The following ZRANB3 variants were observed in gnomAD, a reference collection of about 807,000 sequenced individuals.
The protein encoded by ZRANB3 is zinc finger RANBP2-type containing 3.
A neutral mutation model predicts 133.8 loss-of-function variants in ZRANB3; 125 were observed. That is an observed-to-expected ratio of 0.93 (90% confidence interval 0.81 to 1.08). The LOEUF (loss-of-function observed/expected upper bound fraction) is 1.08. ZRANB3 is among the 50% of genes least tolerant of loss of function. The pLI is 0.00. For synonymous variants in ZRANB3, 387 were observed against 432.7 expected, an observed-to-expected ratio of 0.89 and a Z score of 1.31; for missense variants, 1,229 against 1,275.5, an observed-to-expected ratio of 0.96 and a Z score of 0.56.
intron 17 of ZRANB3, among the ~76,000 whole-genome samples, chr2:135,215,397 A>G (rs1694263015): frequency 6.6e-6 from 1 of 152,050 alleles, no homozygotes; most frequent in Admixed American, 6.6e-5. Context: ...AGCTGGGACT[A>G]CAGGCACCAC....
rs79401422 is a variant in ZRANB3, at chr2:135,344,748, T to C, written c.677+802A>G. 7.1e-3 allele frequency among the ~76,000 whole-genome samples: 1,083 copies of C among 151,890 alleles called. 11 individuals are homozygous for C. Among genetic ancestry groups the C allele is most frequent in the African/African-American group, 0.024 (1,013 of 41,400 alleles). ...GGAGCGAGACTCCGTCTGAAAAAAA[T>C]ATGATAAAATAAAATAAAATGAATA... is the stretch of plus-strand genomic sequence containing the variant. On this transcript the variant is annotated intron_variant, in intron 6 of 20. Transcript: ENST00000264159.
At chr2:135,480,618 A>G (rs1691741000) in intron 2 of ZRANB3, among the ~76,000 whole-genome samples, 1 of 151,626 alleles carries the variant, frequency 6.6e-6, no homozygotes, top group African/African-American at 2.4e-5. Context: ...ATCTTTTATT[A>G]TTATTATTAT....
chr2:135,414,603 C>A, intron 2 of ZRANB3, among the ~76,000 whole-genome samples: 1 of 152,102 alleles, frequency 6.6e-6, no homozygotes, highest in Non-Finnish European at 1.5e-5. Flanking sequence ...ACCAAGTGGA[C>A]CTAATAGACA....
At chr2:135,485,749 T>TA (rs1229199659) in intron 2 of ZRANB3, among the ~76,000 whole-genome samples, 1 of 152,226 alleles carries the variant, frequency 6.6e-6, no homozygotes, top group African/African-American at 2.4e-5. Flanking sequence ...TACACCATAA[T>TA]GTAGCCTATT....
rs981844963 is a variant in ZRANB3 at position 135,478,164 on chromosome 2, T to C, written c.161+26165A>G. On this transcript the variant is annotated intron_variant, in intron 2 of 20. Coordinates refer to ENST00000264159, the MANE Select transcript of ZRANB3 (RefSeq NM_032143.4). ...TAGTGTCTATGCTTAAAAATATATATATACATACACACGTCTATAAATATA... is the reference window on the plus strand; with the variant it reads ...TAGTGTCTATGCTTAAAAATATATACATACATACACACGTCTATAAATATA... Among the ~76,000 whole-genome samples, 3 of 152,076 alleles carry C rather than the reference T, an allele frequency of 2.0e-5. No individual in the cohort carries two copies. The East Asian group carries it at 5.8e-4, about 29-fold the overall frequency.
At chr2:135,462,425 G>A (rs1206156843) in intron 2 of ZRANB3, among the ~76,000 whole-genome samples, 1 of 152,108 alleles carries the variant, frequency 6.6e-6, no homozygotes, top group Non-Finnish European at 1.5e-5. Context: ...ATTTAAAGCC[G>A]TGGCAAATGT....
intron 2 of ZRANB3, among the ~76,000 whole-genome samples, chr2:135,500,933 A>G (rs1692914010): frequency 1.3e-5 from 2 of 152,136 alleles, no homozygotes; most frequent in Non-Finnish European, 2.9e-5. Context: ...AAGGTCAAGT[A>G]TAAATCTAAC....
At chr2:135,267,312 C>A (rs1240074331) in intron 11 of ZRANB3, among the ~76,000 whole-genome samples, 1 of 152,092 alleles carries the variant, frequency 6.6e-6, no homozygotes, top group African/African-American at 2.4e-5. Context: ...GGGGAAGGGG[C>A]TGAGTGGTGC....
At chr2:135,376,806 G>A (rs548360120) in intron 3 of ZRANB3, among the ~76,000 whole-genome samples, 2 of 152,266 alleles carry the variant, frequency 1.3e-5, no homozygotes, top group East Asian at 1.9e-4. Flanking sequence ...GAACTTTATC[G>A]CATAAAGAGT....
chr2:135,275,292 C>T (rs1052508107), intron 9 of ZRANB3, among the ~76,000 whole-genome samples: 8 of 133,588 alleles, frequency 6.0e-5, no homozygotes, highest in East Asian at 2.1e-4. Context: ...GCTGGCCGGG[C>T]GGGGGCTGCC....
intron 2 of ZRANB3, among the ~76,000 whole-genome samples, chr2:135,450,869 A>G (rs1401476217): frequency 1.3e-5 from 2 of 152,218 alleles, no homozygotes; most frequent in Non-Finnish European, 2.9e-5. Flanking sequence ...TAAAGTTCAC[A>G]TGAGAGAGAT....
chr2:135,428,316 C>T (rs1359572535), intron 2 of ZRANB3, among the ~76,000 whole-genome samples: 1 of 150,914 alleles, frequency 6.6e-6, no homozygotes, highest in Non-Finnish European at 1.5e-5. Context: ...TGGTAGTGTG[C>T]ACCTGTAGTC....
Position 135,472,266 on chromosome 2 carries a change from C to T in ZRANB3, c.161+32063G>A, listed in dbSNP as rs527703582. The stretch of plus-strand genomic sequence containing the variant: ...CTATAATCCCAGCACTTTGGGAGGC[C>T]GAGGCAGGCAGATCACAAGGTCAGG... On this transcript the variant is annotated intron_variant, in intron 2 of 20. Transcript: ENST00000264159. Among the ~76,000 whole-genome samples, 43 of 152,118 alleles carry T rather than the reference C, an allele frequency of 2.8e-4. No homozygotes were observed. In the East Asian group the frequency reaches 7.5e-3, roughly 27 times the overall value.
intron 8 of ZRANB3, among the ~76,000 whole-genome samples, chr2:135,293,994 T>G (rs1681899956): frequency 6.6e-6 from 1 of 152,170 alleles, no homozygotes; most frequent in African/African-American, 2.4e-5. Context: ...TGGATTCGGT[T>G]TGCCAGTATT....
chr2:135,324,051 G>C (rs1335314984), intron 6 of ZRANB3, among the ~76,000 whole-genome samples: 2 of 152,082 alleles, frequency 1.3e-5, no homozygotes, highest in East Asian at 3.9e-4. Context: ...TTATAGGCAT[G>C]AGCCACTGTG....
At position 135,315,467 on chromosome 2, in the gene ZRANB3, C is replaced by G. The variant is rs1441325318; in HGVS notation, c.741G>C (p.Gln247His). The G allele has an allele frequency of 1.9e-6, 3 of 1,596,024 alleles. No individual in the cohort carries two copies. The highest frequency in any genetic ancestry group is 2.3e-5 in the East Asian group (1 of 43,718). Residue 247 changes from glutamine (Q) to histidine (H), a missense_variant, in exon 7 of 21, where the codon CAG becomes CAC. By Grantham distance (24) the Gln-to-His change is conservative. Transcript: ENST00000264159. ...TTCTAATCATTATGTCACTTAATAGCTGGTGAAGTTCATTAAGATTTGATG... is the reference window on the plus strand; with the variant it reads ...TTCTAATCATTATGTCACTTAATAGGTGGTGAAGTTCATTAAGATTTGATG... ...RGASNLNELH[Q>H]LLSDIMIRRL...
intron 9 of ZRANB3, among the ~76,000 whole-genome samples, chr2:135,273,756 C>T (rs1680651469): frequency 6.6e-6 from 1 of 152,048 alleles, no homozygotes; most frequent in Non-Finnish European, 1.5e-5. Flanking sequence ...AGGCTGGTCT[C>T]GAACTCCCGA....
intron 2 of ZRANB3, among the ~76,000 whole-genome samples, chr2:135,414,069 C>A (rs1302274308): frequency 3.3e-5 from 5 of 151,626 alleles, no homozygotes; most frequent in Admixed American, 1.3e-4. Flanking sequence ...AACCAGCTAA[C>A]ATCATAATGG....
chr2:135,345,480 G>A, intron 6 of ZRANB3, 70 bp downstream of exon 6: 1 of 1,091,018 alleles, frequency 9.2e-7, no homozygotes, highest in Non-Finnish European at 1.3e-6. Flanking sequence ...AAAAAAAAAA[G>A]AATGATTAAT....
Sources: allele counts gnomAD v4.1 joint callset (sites outside exome capture counted in the v4.1 genomes callset), GRCh38; gene constraint gnomAD v4.1.1; transcripts MANE v1.5; gene names NCBI Gene and HGNC (gene_info 2026-07-23, HGNC 2026-07-21).